Variants in SRGAP1 observed in about 807,000 individuals in gnomAD.
SRGAP1 encodes the protein SLIT-ROBO Rho GTPase activating protein 1.
A neutral mutation model predicts 121.9 loss-of-function variants in SRGAP1; 43 were observed. That is an observed-to-expected ratio of 0.35 (90% confidence interval 0.28 to 0.46). The LOEUF (loss-of-function observed/expected upper bound fraction) is 0.46. Ranked by LOEUF, SRGAP1 falls within the 20% of genes least tolerant of loss-of-function variation. SRGAP1 has a pLI of 1.00. For missense variants in SRGAP1, 1,102 were observed against 1,350.9 expected (o/e 0.82, Z 2.89); for synonymous variants, 447 against 485.4 (o/e 0.92, Z 1.04).
chr12:63,906,965 G>T (rs1292193485), intron 1 of SRGAP1, among the ~76,000 whole-genome samples: 1 of 151,644 alleles, frequency 6.6e-6, no homozygotes, highest in East Asian at 1.9e-4. Flanking sequence ...AGCATTTTGA[G>T]GAACTGCCAA....
chr12:64,141,669 C>T (rs1235158742), intron 21 of SRGAP1, among the ~76,000 whole-genome samples: 1 of 152,006 alleles, frequency 6.6e-6, no homozygotes, highest in Non-Finnish European at 1.5e-5. Flanking sequence ...AATAAGTCAG[C>T]ATGTAGATGT....
chr12:63,943,906 A>G (rs2136353527), intron 1 of SRGAP1, among the ~76,000 whole-genome samples: 1 of 152,328 alleles, frequency 6.6e-6, no homozygotes, highest in Admixed American at 6.5e-5. Context: ...TACCTTCAGA[A>G]AATCCAAGAA....
At chr12:63,937,714 G>T (rs1245756376) in intron 1 of SRGAP1, among the ~76,000 whole-genome samples, 3 of 152,222 alleles carry the variant, frequency 2.0e-5, no homozygotes, top group Admixed American at 2.0e-4. Context: ...AATGAGACAT[G>T]TAGCATGTTA....
At chr12:63,920,304 C>T (rs1006687599) in intron 1 of SRGAP1, among the ~76,000 whole-genome samples, 1 of 152,130 alleles carries the variant, frequency 6.6e-6, no homozygotes, top group African/African-American at 2.4e-5. Context: ...AGTGAACGAC[C>T]AAACCATGAA....
At chr12:63,964,799 G>A (rs2032741339) in intron 1 of SRGAP1, among the ~76,000 whole-genome samples, 1 of 152,120 alleles carries the variant, frequency 6.6e-6, no homozygotes, top group African/African-American at 2.4e-5. Flanking sequence ...ATTTAACTGT[G>A]TTTAAGGCCC....
At chr12:63,915,439 G>A (rs1418613367) in intron 1 of SRGAP1, among the ~76,000 whole-genome samples, 1 of 152,098 alleles carries the variant, frequency 6.6e-6, no homozygotes, top group African/African-American at 2.4e-5. Context: ...AAAGAATGGG[G>A]GCATTCTATT....
At chr12:63,910,887 TC>T (rs2030461414) in intron 1 of SRGAP1, among the ~76,000 whole-genome samples, 1 of 152,088 alleles carries the variant, frequency 6.6e-6, no homozygotes, top group Non-Finnish European at 1.5e-5. Context: ...GTGGAAGAGA[TC>T]CTCCATTTGT....
Position 64,041,391 on chromosome 12 carries a change from ATTTATTTT to A in SRGAP1, c.490-1395_490-1388del, listed in dbSNP as rs1485670071. ...TATTTATTTATTTATTTATTTATTT[ATTTATTTT>A]TTTGAGGCAAGGTCTCACTCTGTCA... is the stretch of plus-strand genomic sequence containing the variant. On this transcript the variant is annotated intron_variant, in intron 4 of 21. Coordinates refer to ENST00000355086, the MANE Select transcript of SRGAP1 (RefSeq NM_020762.4). 6.9e-3 allele frequency among the ~76,000 whole-genome samples: 795 copies of A among 115,472 alleles called. 2 individuals are homozygous for A. The highest frequency in any genetic ancestry group is 0.028 in the South Asian group (67 of 2,386). 75.8% of individuals were successfully genotyped at this position (115,472 alleles called of 152,430 possible).
intron 1 of SRGAP1, among the ~76,000 whole-genome samples, chr12:63,900,522 T>C (rs1057021185): frequency 1.3e-5 from 2 of 151,692 alleles, no homozygotes. Context: ...TTTCTCTAAT[T>C]AAAAATAGGG....
intron 3 of SRGAP1, among the ~76,000 whole-genome samples, chr12:64,007,473 G>A (rs893374825): frequency 6.6e-5 from 10 of 152,170 alleles, no homozygotes; most frequent in South Asian, 2.1e-4. Context: ...CTCACCCACC[G>A]CTCAGCCACC....
rs1410357605 is a variant in SRGAP1, at chr12:64,146,694, T to C, written c.*4022T>C. On this transcript the variant is annotated 3_prime_UTR_variant, in exon 22 of 22. Transcript: ENST00000355086. The stretch of plus-strand genomic sequence containing the variant: ...CAGAAACCCTGAGACACAGAGCAGC[T>C]TAGAAGTCTCTACCCAGGCGTAAAT... The C allele has an allele frequency of 6.6e-6, 1 of 152,126 alleles. No individual in the cohort carries two copies. Among genetic ancestry groups the C allele is most frequent in the Non-Finnish European group, 1.5e-5 (1 of 68,042 alleles). 9.4% of individuals were successfully genotyped at this position (152,126 alleles called of 1,614,324 possible).
intron 1 of SRGAP1, among the ~76,000 whole-genome samples, chr12:63,934,988 T>C (rs2031615441): frequency 6.6e-6 from 1 of 152,208 alleles, no homozygotes; most frequent in African/African-American, 2.4e-5. Flanking sequence ...ATCAGATGCT[T>C]TGTCTTTGGG....
intron 3 of SRGAP1, among the ~76,000 whole-genome samples, chr12:64,000,278 A>AGTGTGT (rs1565630884): frequency 9.7e-5 from 9 of 92,438 alleles, no homozygotes; most frequent in African/African-American, 1.7e-4. Flanking sequence ...GTGTGTGTAA[A>AGTGTGT]AAAAAAAAAC....
chr12:64,141,304 C>T (rs1330878301), intron 21 of SRGAP1, among the ~76,000 whole-genome samples: 12 of 148,846 alleles, frequency 8.1e-5, no homozygotes, highest in Admixed American at 6.0e-4. Context: ...AAACTTGGCC[C>T]GGCACGGTGG....
chr12:64,059,101 G>C (rs575034012), intron 6 of SRGAP1, among the ~76,000 whole-genome samples: 48 of 152,186 alleles, frequency 3.2e-4, no homozygotes, highest in African/African-American at 1.2e-3. Context: ...CTATCAGTTA[G>C]TAAGCCACAT....
Position 64,159,198 on chromosome 12 carries a change from G to A in SRGAP1, c.*16526G>A, listed in dbSNP as rs2136670322. On this transcript the variant is annotated 3_prime_UTR_variant, in exon 22 of 22. Coordinates refer to ENST00000355086, the MANE Select transcript of SRGAP1 (RefSeq NM_020762.4). ...AACTAGCTGTAGGGCAGGCACGGTG[G>A]TTCACACCTGTAATCCCAGAACTTT... 1 of 152,674 alleles carries A rather than the reference G, an allele frequency of 6.5e-6. No homozygotes were observed. The highest frequency in any genetic ancestry group is 1.5e-5 in the Non-Finnish European group (1 of 68,380). The allele number at this position is 152,674 out of a possible 1,614,324, so 9.5% of individuals were successfully genotyped here. A position where few individuals can be genotyped will look rare whatever the true frequency, so the allele number is the denominator to read the frequency against.
At chr12:64,053,162 G>C (rs1251029825) in intron 6 of SRGAP1, among the ~76,000 whole-genome samples, 1 of 152,176 alleles carries the variant, frequency 6.6e-6, no homozygotes, top group African/African-American at 2.4e-5. Flanking sequence ...CTTTGGCATT[G>C]GTCACTATGC....
At chr12:63,986,565 G>A (rs755780792) in intron 2 of SRGAP1, among the ~76,000 whole-genome samples, 3 of 152,014 alleles carry the variant, frequency 2.0e-5, no homozygotes, top group Non-Finnish European at 2.9e-5. Flanking sequence ...CAGGATTACA[G>A]GTGCCCACCA....
At chr12:64,027,990 G>T (rs552265205) in intron 4 of SRGAP1, among the ~76,000 whole-genome samples, 1 of 152,138 alleles carries the variant, frequency 6.6e-6, no homozygotes, top group East Asian at 1.9e-4. Flanking sequence ...TAATATAGAG[G>T]TCTAATACAC....
Sources: gnomAD v4.1 joint callset for allele counts (sites outside exome capture counted in the v4.1 genomes callset) on GRCh38, gnomAD v4.1.1 for gene constraint, MANE v1.5 for transcripts, NCBI Gene and HGNC (gene_info 2026-07-23, HGNC 2026-07-21) for gene names.